Variants in CSMD1 observed in about 807,000 individuals in gnomAD.
CSMD1 encodes CUB and Sushi multiple domains 1, also known as CUB and sushi domain-containing protein 1.
A neutral mutation model predicts 417.5 loss-of-function variants in CSMD1; 213 were observed. The ratio of observed to expected loss-of-function variants is 0.51; its 90% CI spans 0.46 to 0.57. CSMD1 has a LOEUF of 0.57. CSMD1 is among the 20% of genes least tolerant of loss of function. The pLI is 0.00. For synonymous variants in CSMD1, 2,862 were observed against 1,736.8 expected (o/e 1.65, Z -16.11); for missense variants, 6,923 against 4,529.7 (o/e 1.53, Z -15.17).
At chr8:4,423,287 G>T (rs1399169230) in intron 2 of CSMD1, among the ~76,000 whole-genome samples, 2 of 151,988 alleles carry the variant, frequency 1.3e-5, no homozygotes, top group African/African-American at 4.8e-5. Context: ...TTTGAAGTTG[G>T]CATGATGATC....
At chr8:4,161,227 A>G (rs1797140308) in intron 3 of CSMD1, among the ~76,000 whole-genome samples, 1 of 152,214 alleles carries the variant, frequency 6.6e-6, no homozygotes, top group Non-Finnish European at 1.5e-5. Context: ...AACCCTCTAA[A>G]GCAAGCACTC....
At chr8:2,962,272 A>G (rs976408042) in intron 61 of CSMD1, among the ~76,000 whole-genome samples, 194 bp downstream of exon 61, 7 of 152,218 alleles carry the variant, frequency 4.6e-5, no homozygotes, top group African/African-American at 1.4e-4. Flanking sequence ...CTTATTTTGC[A>G]TGATTTAAAA....
intron 23 of CSMD1, among the ~76,000 whole-genome samples, chr8:3,308,935 G>C (rs904930541): frequency 6.6e-6 from 1 of 151,950 alleles, no homozygotes; most frequent in Non-Finnish European, 1.5e-5. Flanking sequence ...ATGTTGGCCA[G>C]GCTGGTCTCG....
At chr8:4,991,275 A>T (rs1254720196) in intron 1 of CSMD1, among the ~76,000 whole-genome samples, 1 of 152,240 alleles carries the variant, frequency 6.6e-6, no homozygotes, top group Non-Finnish European at 1.5e-5. Context: ...AGGCATTTAA[A>T]GAGAAAGGCA....
At chr8:3,860,944 G>C (rs1173237831) in intron 5 of CSMD1, among the ~76,000 whole-genome samples, 1 of 152,148 alleles carries the variant, frequency 6.6e-6, no homozygotes, top group Non-Finnish European at 1.5e-5. Context: ...ATATTTTCTA[G>C]TTGATATACT....
chr8:3,847,289 G>C (rs923177634), intron 5 of CSMD1, among the ~76,000 whole-genome samples: 1 of 152,114 alleles, frequency 6.6e-6, no homozygotes, highest in African/African-American at 2.4e-5. Context: ...TTAATCCAAA[G>C]GCAGTTGATT....
At chr8:4,872,287 G>A (rs549759460) in intron 1 of CSMD1, among the ~76,000 whole-genome samples, 4 of 151,976 alleles carry the variant, frequency 2.6e-5, no homozygotes, top group Non-Finnish European at 5.9e-5. Context: ...ATATGGTTAG[G>A]CTTTGTGTCC....
At chr8:2,950,431 G>T in intron 66 of CSMD1, 88 bp from the exon 67 acceptor site, 1 of 771,212 alleles carries the variant, frequency 1.3e-6, no homozygotes. Flanking sequence ...GTGGTACGGA[G>T]ATGATAATAT....
At chr8:4,094,450 G>T (rs566925683) in intron 3 of CSMD1, among the ~76,000 whole-genome samples, 184 of 152,140 alleles carry the variant, frequency 1.2e-3, no homozygotes, top group Non-Finnish European at 2.4e-3. Context: ...GGGAAGTGAG[G>T]TAGAGGGAGG....
Position 4,338,065 on chromosome 8 carries a change from A to T in CSMD1, c.415+81888T>A, listed in dbSNP as rs577852117. ...GAATCTGCTTCAATAAAGCCCCATC[A>T]TACTCTTTTTAATACATGCACTTTT... On this transcript the variant is annotated intron_variant, in intron 3 of 69. Coordinates refer to ENST00000635120, the MANE Select transcript of CSMD1 (RefSeq NM_033225.6). Among the ~76,000 whole-genome samples, 10 of 152,146 alleles carry T rather than the reference A, an allele frequency of 6.6e-5. No individual in the cohort carries two copies. The South Asian group carries it at 1.7e-3, about 25-fold the overall frequency.
chr8:3,212,114 C>G (rs1797647169), intron 30 of CSMD1, among the ~76,000 whole-genome samples: 1 of 152,198 alleles, frequency 6.6e-6, no homozygotes, highest in South Asian at 2.1e-4. Flanking sequence ...GCTCTCTTTA[C>G]CTCAAAGCCA....
At chr8:4,680,950 A>G (rs983152027) in intron 1 of CSMD1, among the ~76,000 whole-genome samples, 7 of 144,484 alleles carry the variant, frequency 4.8e-5, no homozygotes, top group African/African-American at 1.6e-4. Context: ...ATCTATATTG[A>G]TGTGTGTGTG....
At chr8:4,911,874 C>A (rs1490744124) in intron 1 of CSMD1, among the ~76,000 whole-genome samples, 1 of 151,970 alleles carries the variant, frequency 6.6e-6, no homozygotes, top group Non-Finnish European at 1.5e-5. Flanking sequence ...CTCTCTGAGG[C>A]TTCTGAGAAG....
intron 41 of CSMD1, among the ~76,000 whole-genome samples, chr8:3,135,080 C>G (rs190637621): frequency 3.3e-5 from 5 of 152,206 alleles, no homozygotes; most frequent in African/African-American, 9.6e-5. Flanking sequence ...TCCAACACCA[C>G]GCCCAGCTAA....
At chr8:3,484,984 T>C (rs1294624945) in intron 11 of CSMD1, among the ~76,000 whole-genome samples, 1 of 152,198 alleles carries the variant, frequency 6.6e-6, no homozygotes, top group African/African-American at 2.4e-5. Flanking sequence ...TGGAGAACCA[T>C]GCTGGAAAAC....
chr8:3,783,519 G>A (rs1369558766), intron 5 of CSMD1, among the ~76,000 whole-genome samples: 3 of 152,200 alleles, frequency 2.0e-5, no homozygotes, highest in Admixed American at 6.5e-5. Flanking sequence ...CCTGAATCCT[G>A]TGCTGAGGGT....
intron 1 of CSMD1, among the ~76,000 whole-genome samples, chr8:4,763,779 T>C (rs529652245): frequency 6.6e-6 from 1 of 152,336 alleles, no homozygotes; most frequent in South Asian, 2.1e-4. Flanking sequence ...TCTAACTATA[T>C]GTTAACTTAT....
At chr8:3,925,458 C>G (rs1204973625) in intron 5 of CSMD1, among the ~76,000 whole-genome samples, 1 of 152,072 alleles carries the variant, frequency 6.6e-6, no homozygotes, top group African/African-American at 2.4e-5. Context: ...AAATACAGTT[C>G]AAAAGATAAC....
chr8:3,350,164 T>C (rs1563299193), intron 21 of CSMD1, among the ~76,000 whole-genome samples: 1 of 128,734 alleles, frequency 7.8e-6, no homozygotes, highest in Non-Finnish European at 1.6e-5. Flanking sequence ...TATGTGTGTG[T>C]TATAATACCT....
Sources: gnomAD v4.1 joint callset for allele counts (sites outside exome capture counted in the v4.1 genomes callset) on GRCh38, gnomAD v4.1.1 for gene constraint, MANE v1.5 for transcripts, NCBI Gene and HGNC (gene_info 2026-07-23, HGNC 2026-07-21) for gene names.